The following NKAIN2 variants were observed in gnomAD, a reference collection of about 807,000 sequenced individuals.
NKAIN2 encodes sodium/potassium transporting ATPase interacting 2, also known as sodium/potassium-transporting ATPase subunit beta-1-interacting protein 2.
NKAIN2 carries 14 observed loss-of-function variants against 32.6 expected under a neutral mutation model. The observed-to-expected ratio is 0.43, with a 90% confidence interval of 0.28 to 0.67. The LOEUF is 0.67. NKAIN2 is among the 30% of genes least tolerant of loss of function. The pLI, the probability that NKAIN2 is intolerant of heterozygous loss-of-function variation, is 0.17. For missense variants in NKAIN2, 198 were observed against 258.3 expected (o/e 0.77, Z 1.60); for synonymous variants, 80 against 87.2 (o/e 0.92, Z 0.46).
At chr6:124,205,786 G>T (rs981500338) in intron 1 of NKAIN2, among the ~76,000 whole-genome samples, 2 of 151,786 alleles carry the variant, frequency 1.3e-5, no homozygotes, top group Admixed American at 6.6e-5. Flanking sequence ...TGTGACAATC[G>T]CTTCAGAGCA....
At chr6:124,213,937 T>C (rs1367085689) in intron 1 of NKAIN2, among the ~76,000 whole-genome samples, 1 of 152,194 alleles carries the variant, frequency 6.6e-6, no homozygotes, top group East Asian at 1.9e-4. Flanking sequence ...TGAGAAAATT[T>C]TTAGCTAATT....
chr6:124,679,022 T>C (rs572774865), intron 4 of NKAIN2, among the ~76,000 whole-genome samples: 1 of 152,190 alleles, frequency 6.6e-6, no homozygotes, highest in Non-Finnish European at 1.5e-5. Context: ...TACCAAAGGT[T>C]CTCCGGAGTG....
chr6:124,108,064 T>C (rs1275992821), intron 1 of NKAIN2, among the ~76,000 whole-genome samples: 2 of 152,198 alleles, frequency 1.3e-5, no homozygotes, highest in South Asian at 2.1e-4. Context: ...ATTTGGATTG[T>C]TTGGTACTTA....
chr6:123,804,372 C>CA (rs1452314247), intron 1 of NKAIN2, 118 bp downstream of exon 1: 5 of 882,890 alleles, frequency 5.7e-6, no homozygotes, highest in Non-Finnish European at 9.6e-6. Context: ...GAGAAGGTGA[C>CA]AGATATATTG....
intron 3 of NKAIN2, among the ~76,000 whole-genome samples, chr6:124,555,417 C>A (rs969444157): frequency 3.9e-5 from 6 of 152,154 alleles, no homozygotes; most frequent in Non-Finnish European, 8.8e-5. Flanking sequence ...CAAGAACTTA[C>A]AACATTCCCT....
intron 1 of NKAIN2, among the ~76,000 whole-genome samples, chr6:123,999,119 C>G (rs958219165): frequency 6.6e-6 from 1 of 151,958 alleles, no homozygotes; most frequent in African/African-American, 2.4e-5. Flanking sequence ...AGGGAACTTA[C>G]AGAGGGTTGG....
At chr6:124,315,578 C>T (rs1796915315) in intron 2 of NKAIN2, among the ~76,000 whole-genome samples, 1 of 152,088 alleles carries the variant, frequency 6.6e-6, no homozygotes, top group Non-Finnish European at 1.5e-5. Flanking sequence ...GAAGACATGA[C>T]TTAAATTGTA....
intron 1 of NKAIN2, among the ~76,000 whole-genome samples, chr6:123,843,056 C>T (rs1018141641): frequency 1.8e-4 from 27 of 152,196 alleles, no homozygotes; most frequent in African/African-American, 5.3e-4. Context: ...TACCGGCCTG[C>T]GACAATATCT....
chr6:124,128,985 T>C (rs978128741), intron 1 of NKAIN2, among the ~76,000 whole-genome samples: 3 of 152,202 alleles, frequency 2.0e-5, no homozygotes, highest in African/African-American at 7.2e-5. Context: ...AGGCTCAGGG[T>C]GAGGCCTGAG....
At chr6:123,997,550 T>A (rs1427913726) in intron 1 of NKAIN2, among the ~76,000 whole-genome samples, 6 of 151,958 alleles carry the variant, frequency 3.9e-5, no homozygotes, top group African/African-American at 1.4e-4. Flanking sequence ...GGCTATTTTT[T>A]AAATTTTTCC....
chr6:124,510,948 G>C (rs1778686098), intron 3 of NKAIN2, among the ~76,000 whole-genome samples: 5 of 151,804 alleles, frequency 3.3e-5, no homozygotes. Flanking sequence ...ATTTTTATTT[G>C]GTGATAAAAC....
chr6:124,823,584 G>A lies in NKAIN2; in HGVS notation c.*355G>A. ...CCATTGCTAACTCCTCTGCAGCCCA[G>A]CGGGTTGGCCTCTGTGAGCTGGGAA... is the stretch of plus-strand genomic sequence containing the variant. On this transcript the variant is annotated 3_prime_UTR_variant, in exon 7 of 7. Coordinates refer to ENST00000368417, the MANE Select transcript of NKAIN2 (RefSeq NM_001040214.3). The A allele has an allele frequency of 4.1e-6, 1 of 241,262 alleles. No homozygotes were observed. The highest frequency in any genetic ancestry group is 8.1e-6 in the Non-Finnish European group (1 of 122,994). The allele number at this position is 241,262 out of a possible 1,614,324, so 14.9% of individuals were successfully genotyped here. A position where few individuals can be genotyped will look rare whatever the true frequency, so the allele number is the denominator to read the frequency against.
chr6:124,051,460 A>T (rs753071607), intron 1 of NKAIN2, among the ~76,000 whole-genome samples: 33 of 152,120 alleles, frequency 2.2e-4, no homozygotes, highest in Middle Eastern at 6.8e-3. Flanking sequence ...GTTTTAGGGT[A>T]CATGTACACA....
At position 123,892,512 on chromosome 6, in the gene NKAIN2, A is replaced by G. The variant is rs1436801293; in HGVS notation, c.54+88258A>G. Among the ~76,000 whole-genome samples the G allele has an allele frequency of 3.3e-5, 5 of 151,678 alleles. No homozygotes were observed. The East Asian group carries it at 7.9e-4, about 24-fold the overall frequency. The stretch of plus-strand genomic sequence containing the variant: ...CTATCATGAGAACAGCATGGGGGAA[A>G]CCACCCCCATGATCCAATTACCTCC... On this transcript the variant is annotated intron_variant, in intron 1 of 6. Coordinates refer to ENST00000368417, the MANE Select transcript of NKAIN2 (RefSeq NM_001040214.3).
At chr6:124,528,685 A>C (rs1383292949) in intron 3 of NKAIN2, among the ~76,000 whole-genome samples, 3 of 152,248 alleles carry the variant, frequency 2.0e-5, no homozygotes, top group African/African-American at 7.2e-5. Context: ...CTTTAAAGAA[A>C]AAACAAGTAT....
intron 4 of NKAIN2, among the ~76,000 whole-genome samples, chr6:124,693,029 AT>A (rs1189383317): frequency 3.3e-5 from 5 of 152,186 alleles, no homozygotes; most frequent in African/African-American, 1.2e-4. Context: ...TCTGGCCAGT[AT>A]TTACACTGAA....
chr6:124,446,630 G>A (rs751398503), intron 3 of NKAIN2, among the ~76,000 whole-genome samples: 6 of 152,086 alleles, frequency 3.9e-5, no homozygotes, highest in African/African-American at 4.8e-5. Context: ...GGCATCAGCC[G>A]TCACACCTGA....
At chr6:123,926,510 C>T (rs1258588845) in intron 1 of NKAIN2, among the ~76,000 whole-genome samples, 1 of 151,744 alleles carries the variant, frequency 6.6e-6, no homozygotes, top group Non-Finnish European at 1.5e-5. Context: ...GCAGTGTTCC[C>T]CAGATGCCCG....
intron 1 of NKAIN2, among the ~76,000 whole-genome samples, chr6:123,871,819 A>C (rs1772905504): frequency 6.6e-6 from 1 of 152,210 alleles, no homozygotes; most frequent in Non-Finnish European, 1.5e-5. Flanking sequence ...AAAACATATA[A>C]ATATTCATTC....
Sources: allele counts gnomAD v4.1 joint callset (sites outside exome capture counted in the v4.1 genomes callset), GRCh38; gene constraint gnomAD v4.1.1; transcripts MANE v1.5; gene names NCBI Gene and HGNC (gene_info 2026-07-23, HGNC 2026-07-21).